The following GSE1 variants were observed in gnomAD, a reference collection of about 807,000 sequenced individuals.
GSE1 encodes Gse1 coiled-coil protein.
Under a neutral mutation model 112.6 loss-of-function variants are expected in GSE1, and 32 were observed. The ratio of observed to expected loss-of-function variants is 0.28; its 90% CI spans 0.21 to 0.38. The LOEUF (loss-of-function observed/expected upper bound fraction) is 0.38. Among genes scored for constraint, GSE1 ranks in the 10% least tolerant of loss-of-function variants. GSE1 has a pLI of 1.00. For synonymous variants in GSE1, 1,115 were observed against 735.6 expected (o/e 1.52, Z -8.35); for missense variants, 2,348 against 1,699.2 (o/e 1.38, Z -6.71).
At chr16:85,409,339 G>A (rs1169795039) in intron 2 of GSE1, among the ~76,000 whole-genome samples, 1 of 39,212 alleles carries the variant, frequency 2.6e-5, no homozygotes, top group East Asian at 1.2e-3. Flanking sequence ...TTACACTCAG[G>A]GCCCCCCTGG....
intron 1 of GSE1, among the ~76,000 whole-genome samples, chr16:85,342,899 T>C (rs1290172178): frequency 2.0e-5 from 3 of 150,610 alleles, no homozygotes; most frequent in African/African-American, 7.3e-5. Context: ...CTCCAAGCCA[T>C]TTGTGCATGA....
At chr16:85,280,753 A>G (rs1379134717) in intron 1 of GSE1, among the ~76,000 whole-genome samples, 1 of 152,224 alleles carries the variant, frequency 6.6e-6, no homozygotes, top group African/African-American at 2.4e-5. Flanking sequence ...CATTCTTTAC[A>G]AAATGTCACC....
chr16:85,207,479 G>T (rs562522030), intron 1 of GSE1, among the ~76,000 whole-genome samples: 1 of 152,376 alleles, frequency 6.6e-6, no homozygotes, highest in African/African-American at 2.4e-5. Context: ...CTGCAGCCCA[G>T]CTGGGAGAGG....
At chr16:85,529,256 G>A (rs935970804) in intron 2 of GSE1, among the ~76,000 whole-genome samples, 96 of 152,308 alleles carry the variant, frequency 6.3e-4, no homozygotes, top group African/African-American at 1.9e-3. Flanking sequence ...TGTGTGGCCC[G>A]GAAGGCCACG....
At chr16:85,579,879 A>T (rs181368646) in intron 1 of GSE1, 1 of 152,334 alleles carries the variant, frequency 6.6e-6, no homozygotes, top group Non-Finnish European at 1.5e-5. Flanking sequence ...TTGAGCATCT[A>T]CTGGCTGCTA....
rs988587424 is a variant in GSE1 at position 85,648,900 on chromosome 16, G to A, written c.426+149G>A. 26 of 521,486 alleles carry A rather than the reference G, an allele frequency of 5.0e-5. No homozygotes were observed. In the South Asian group the frequency reaches 5.4e-4, roughly 11 times the overall value. 32.3% of individuals were successfully genotyped at this position (521,486 alleles called of 1,614,324 possible). The stretch of plus-strand genomic sequence containing the variant: ...GAGTTTCCGTCTCCTTCTCTGCAAC[G>A]TGAGGGTGACAGCGGCACCCTCCTG... On this transcript the variant is annotated intron_variant, in intron 3 of 15. Transcript: ENST00000253458.
chr16:85,423,005 C>T (rs895773366), intron 2 of GSE1, among the ~76,000 whole-genome samples: 1 of 152,224 alleles, frequency 6.6e-6, no homozygotes, highest in Non-Finnish European at 1.5e-5. Context: ...GTAAACACCA[C>T]TACTCCCAGC....
chr16:85,234,179 C>A (rs1001427884), intron 1 of GSE1, among the ~76,000 whole-genome samples: 1 of 152,140 alleles, frequency 6.6e-6, no homozygotes, highest in African/African-American at 2.4e-5. Flanking sequence ...GGTATCCACT[C>A]CCCGCCCTCC....
intron 1 of GSE1, among the ~76,000 whole-genome samples, chr16:85,605,724 TTGAA>T (rs1453252928): frequency 1.3e-5 from 2 of 151,816 alleles, no homozygotes; most frequent in African/African-American, 4.9e-5. Context: ...TGGGTGGTCA[TTGAA>T]TGGGGTTAAC....
chr16:85,338,456 C>T (rs1484277840), intron 1 of GSE1, among the ~76,000 whole-genome samples: 1 of 152,244 alleles, frequency 6.6e-6, no homozygotes, highest in African/African-American at 2.4e-5. Flanking sequence ...CCCTCCCTGC[C>T]TCAGTCTCCC....
intron 2 of GSE1, among the ~76,000 whole-genome samples, chr16:85,538,557 G>C (rs1038104634): frequency 1.9e-4 from 29 of 152,184 alleles, no homozygotes; most frequent in African/African-American, 6.5e-4. Context: ...CAGGGAGCTT[G>C]ACAAGGGCCT....
intron 1 of GSE1, among the ~76,000 whole-genome samples, chr16:85,561,248 C>T (rs1310119364): frequency 6.6e-6 from 1 of 152,194 alleles, no homozygotes; most frequent in Admixed American, 6.5e-5. Flanking sequence ...TACTCTTACC[C>T]CCCTTGACAG....
At chr16:85,595,623 T>C (rs138242950) in intron 1 of GSE1, 1 of 152,276 alleles carries the variant, frequency 6.6e-6, no homozygotes, top group Non-Finnish European at 1.5e-5. Flanking sequence ...GTTTTAACAT[T>C]CCTCCATCCA....
intron 2 of GSE1, among the ~76,000 whole-genome samples, chr16:85,368,046 G>T (rs2047221065): frequency 6.6e-6 from 1 of 151,956 alleles, no homozygotes. Flanking sequence ...TAGAGACGGG[G>T]TTACTCCATG....
At chr16:85,304,691 C>A (rs1033568301) in intron 1 of GSE1, among the ~76,000 whole-genome samples, 1 of 150,498 alleles carries the variant, frequency 6.6e-6, no homozygotes, top group East Asian at 2.0e-4. Flanking sequence ...GCAGCTGGGC[C>A]GTGATGTTCC....
chr16:85,188,965 A>G (rs766586039), intron 1 of GSE1, among the ~76,000 whole-genome samples: 2 of 152,206 alleles, frequency 1.3e-5, no homozygotes, highest in Non-Finnish European at 2.9e-5. Flanking sequence ...AGTGGCTTTT[A>G]TCAGACTTGC....
intron 2 of GSE1, among the ~76,000 whole-genome samples, chr16:85,440,063 C>G (rs1477314723): frequency 1.3e-5 from 2 of 152,266 alleles, no homozygotes; most frequent in Non-Finnish European, 2.9e-5. Flanking sequence ...GGTTTAAGCC[C>G]TGAGCAAATT....
At chr16:85,603,102 TC>T (rs2047536856) in intron 1 of GSE1, among the ~76,000 whole-genome samples, 1 of 152,238 alleles carries the variant, frequency 6.6e-6, no homozygotes, top group Non-Finnish European at 1.5e-5. Flanking sequence ...TGTCACGACC[TC>T]CAGCTGCTCA....
At chr16:85,418,785 A>C (rs1328666288) in intron 2 of GSE1, among the ~76,000 whole-genome samples, 1 of 152,234 alleles carries the variant, frequency 6.6e-6, no homozygotes. Context: ...GCAGGGATCC[A>C]GGCAGGACCA....
Sources: allele counts gnomAD v4.1 joint callset (sites outside exome capture counted in the v4.1 genomes callset), GRCh38; gene constraint gnomAD v4.1.1; transcripts MANE v1.5; gene names NCBI Gene and HGNC (gene_info 2026-07-23, HGNC 2026-07-21).